The following ASTN2 variants were observed in gnomAD, a reference collection of about 807,000 sequenced individuals.
ASTN2 encodes astrotactin 2, also known as astrotactin-2.
Under a neutral mutation model 139.8 loss-of-function variants are expected in ASTN2, and 54 were observed. That is an observed-to-expected ratio of 0.39 (90% confidence interval 0.31 to 0.48). The LOEUF is 0.48. Among genes scored for constraint, ASTN2 ranks in the 20% least tolerant of loss-of-function variants. The pLI is 0.95. For synonymous variants in ASTN2, 756 were observed against 719.5 expected (o/e 1.05, Z -0.81); for missense variants, 1,565 against 1,725.1 (o/e 0.91, Z 1.64).
intron 10 of ASTN2, among the ~76,000 whole-genome samples, chr9:116,886,371 CT>C (rs1833596339): frequency 1.3e-5 from 2 of 152,158 alleles, no homozygotes; most frequent in Admixed American, 1.3e-4. Context: ...TTTCTTTTTT[CT>C]TTCTTTCTTT....
At chr9:116,668,028 A>C (rs1217351312) in intron 16 of ASTN2, among the ~76,000 whole-genome samples, 1 of 152,156 alleles carries the variant, frequency 6.6e-6, no homozygotes. Context: ...TACCATGCAG[A>C]GTATTTTCAC....
intron 19 of ASTN2, among the ~76,000 whole-genome samples, chr9:116,532,676 G>A (rs1851409316): frequency 1.3e-5 from 2 of 152,108 alleles, no homozygotes; most frequent in South Asian, 2.1e-4. Context: ...AGTTGTAGAT[G>A]TGTGGTATTA....
intron 19 of ASTN2, among the ~76,000 whole-genome samples, chr9:116,564,372 A>G (rs1055522245): frequency 6.6e-6 from 1 of 152,210 alleles, no homozygotes; most frequent in African/African-American, 2.4e-5. Flanking sequence ...ATGACTCAGC[A>G]GACCAGAGCT....
At chr9:116,507,882 T>C (rs1018353170) in intron 19 of ASTN2, among the ~76,000 whole-genome samples, 1 of 152,092 alleles carries the variant, frequency 6.6e-6, no homozygotes, top group Non-Finnish European at 1.5e-5. Flanking sequence ...TCTTCTTCTT[T>C]TATTTATTTA....
intron 4 of ASTN2, among the ~76,000 whole-genome samples, chr9:117,116,834 C>CAAAAAAAAAAAAAA (rs72075422): frequency 1.3e-4 from 6 of 45,180 alleles, no homozygotes; most frequent in African/African-American, 3.1e-4. Flanking sequence ...TGGCATGAGC[C>CAAAAAAAAAAAAAA]AAAAAAAAAA....
intron 10 of ASTN2, among the ~76,000 whole-genome samples, chr9:116,910,849 G>A (rs1036137834): frequency 6.6e-6 from 1 of 152,220 alleles, no homozygotes; most frequent in African/African-American, 2.4e-5. Context: ...GGATGAAATA[G>A]TCATTCTGCA....
At chr9:116,554,844 A>T (rs1852528469) in intron 19 of ASTN2, among the ~76,000 whole-genome samples, 1 of 152,222 alleles carries the variant, frequency 6.6e-6, no homozygotes. Flanking sequence ...GAAAGAAATG[A>T]GTCAATTTCA....
At chr9:116,481,780 T>C (rs1309179051) in intron 20 of ASTN2, among the ~76,000 whole-genome samples, 1 of 152,108 alleles carries the variant, frequency 6.6e-6, no homozygotes, top group Non-Finnish European at 1.5e-5. Flanking sequence ...GTGATCTGAG[T>C]CTTCGGCCCC....
intron 10 of ASTN2, among the ~76,000 whole-genome samples, chr9:116,871,848 C>T (rs1833174364): frequency 6.6e-6 from 1 of 152,114 alleles, no homozygotes. Flanking sequence ...ATTTAGGGAG[C>T]CTTCTCAGCC....
chr9:117,032,672 T>C (rs752361402), intron 6 of ASTN2, among the ~76,000 whole-genome samples: 3 of 152,130 alleles, frequency 2.0e-5, no homozygotes, highest in Non-Finnish European at 4.4e-5. Context: ...AGTCATGCAT[T>C]AGCTCACTCT....
At chr9:116,966,442 C>T (rs1463744755) in intron 10 of ASTN2, among the ~76,000 whole-genome samples, 1 of 152,052 alleles carries the variant, frequency 6.6e-6, no homozygotes, top group African/African-American at 2.4e-5. Flanking sequence ...CTACAGTCTC[C>T]CCAGTGGCAA....
Position 117,096,120 on chromosome 9 carries a change from C to T in ASTN2, c.1200G>A (p.Thr400=), listed in dbSNP as rs186306768. ...TTTCATCGTCTGCCTCTGAGCCCGACGTCCCCTTGGCTCTCCCAAAGCTGA... is the reference window on the plus strand; with the variant it reads ...TTTCATCGTCTGCCTCTGAGCCCGATGTCCCCTTGGCTCTCCCAAAGCTGA... ...GGISFGRAKG[T]SGSEADDETQ... The change falls in exon 5 of 23, where the codon ACG becomes ACA. Residue 400 remains threonine (T), a synonymous_variant. Coordinates refer to ENST00000313400, the MANE Select transcript of ASTN2 (RefSeq NM_001365068.1). 1.1e-5 allele frequency: 18 copies of T among 1,614,040 alleles called. No homozygotes were observed. In the East Asian group the frequency reaches 1.3e-4, roughly 12 times the overall value.
At chr9:116,639,468 G>T (rs1239000429) in intron 17 of ASTN2, among the ~76,000 whole-genome samples, 2 of 151,956 alleles carry the variant, frequency 1.3e-5, no homozygotes, top group Non-Finnish European at 2.9e-5. Context: ...AGATTAGGAA[G>T]AAATAGAAAG....
chr9:116,851,403 G>A (rs920498420), intron 11 of ASTN2, among the ~76,000 whole-genome samples: 8 of 151,948 alleles, frequency 5.3e-5, no homozygotes, highest in African/African-American at 1.2e-4. Flanking sequence ...TGCTTAATTC[G>A]TATCAAAACT....
chr9:116,583,424 G>C (rs1854027301), intron 19 of ASTN2: 2 of 152,092 alleles, frequency 1.3e-5, no homozygotes, highest in South Asian at 4.1e-4. Context: ...TAAATTTCAA[G>C]AAGGCAGAGT....
chr9:117,232,492 G>A (rs569826135), intron 2 of ASTN2, among the ~76,000 whole-genome samples: 1 of 152,222 alleles, frequency 6.6e-6, no homozygotes, highest in African/African-American at 2.4e-5. Flanking sequence ...TGTGATAACA[G>A]ATTCCCATGT....
chr9:117,378,992 C>T (rs1830196498), intron 1 of ASTN2, among the ~76,000 whole-genome samples: 3 of 152,156 alleles, frequency 2.0e-5, no homozygotes, highest in Non-Finnish European at 4.4e-5. Flanking sequence ...CTCTCTTGCT[C>T]CTACTCCTGC....
At chr9:116,772,049 T>C (rs931673505) in intron 13 of ASTN2, among the ~76,000 whole-genome samples, 8 of 152,216 alleles carry the variant, frequency 5.3e-5, no homozygotes, top group Admixed American at 5.2e-4. Context: ...TTACAAAATA[T>C]ATTAAATATT....
chr9:117,026,344 G>A (rs1351794614), intron 6 of ASTN2, among the ~76,000 whole-genome samples: 3 of 152,084 alleles, frequency 2.0e-5, no homozygotes, highest in African/African-American at 7.2e-5. Flanking sequence ...TTGAACCCAT[G>A]TACTCTGGCA....
Sources: gnomAD v4.1 joint callset for allele counts (sites outside exome capture counted in the v4.1 genomes callset) on GRCh38, gnomAD v4.1.1 for gene constraint, MANE v1.5 for transcripts, NCBI Gene and HGNC (gene_info 2026-07-23, HGNC 2026-07-21) for gene names.